ZNF700: variants seen among roughly 807,000 people sequenced by gnomAD.
ZNF700 encodes zinc finger protein 700.
In ZNF700, 38 loss-of-function variants were observed where a neutral mutation model predicts 65.3. The observed-to-expected ratio is 0.58, with a 90% CI of 0.45 to 0.76. The LOEUF is 0.76. Among genes scored for constraint, ZNF700 ranks in the 30% least tolerant of loss-of-function variants. ZNF700 has a pLI of 0.00. For missense variants in ZNF700, 857 were observed against 888.4 expected (o/e 0.96, Z 0.45); for synonymous variants, 285 against 290.4 (o/e 0.98, Z 0.19).
chr19:11,932,318 T>C (rs567496113), intron 1 of ZNF700, among the ~76,000 whole-genome samples: 1 of 147,754 alleles, frequency 6.8e-6, no homozygotes, highest in Admixed American at 6.6e-5. Context: ...CACTCCAGCC[T>C]GGGTAACAGA....
intron 1 of ZNF700, among the ~76,000 whole-genome samples, chr19:11,939,044 A>G (rs557705736): frequency 1.3e-5 from 2 of 152,276 alleles, no homozygotes; most frequent in East Asian, 1.9e-4. Context: ...GTGTCTGTTC[A>G]TGTCCTTTGC....
chr19:11,928,172 G>A (rs950975829), intron 1 of ZNF700, among the ~76,000 whole-genome samples: 1 of 152,040 alleles, frequency 6.6e-6, no homozygotes. Flanking sequence ...TTTTTACAGA[G>A]GTTAGGTCTC....
chr19:11,948,915 A>G lies in ZNF700; in HGVS notation c.891A>G (p.Glu297=). 6.2e-7 allele frequency: 1 copy of G among 1,606,756 alleles called. No individual in the cohort carries two copies. Among genetic ancestry groups the G allele is most frequent in the Non-Finnish European group, 8.5e-7 (1 of 1,178,420 alleles). Residue 297 remains glutamate, a synonymous_variant, in exon 4 of 4, where the codon GAA becomes GAG. Transcript: ENST00000254321. The part of the protein sequence containing the change: ...FHSSSSYHRH[E]RSHMGEKPYQ... ...GTTCTAGTTCCTATCATAGACATGA[A>G]AGAAGTCACATGGGAGAGAAGCCTT...
In ZNF700 at chr19:11,950,322, C is replaced by G. The variant is rs191447674; in HGVS notation, c.*69C>G. On this transcript the variant is annotated 3_prime_UTR_variant, in exon 4 of 4. Coordinates refer to ENST00000254321, the MANE Select transcript of ZNF700 (RefSeq NM_144566.3). ...AGCACTATGAATGCAAGCAATGTGG[C>G]AAAACTTTCACATTTTCCAGTTCTT... 4.1e-6 allele frequency: 6 copies of G among 1,468,786 alleles called. No homozygotes were observed. The African/African-American group carries it at 8.5e-5, about 21-fold the overall frequency. 91.0% of individuals were successfully genotyped at this position (1,468,786 alleles called of 1,614,324 possible).
Position 11,925,281 on chromosome 19 carries a change from T to G in ZNF700, c.63+8T>G. 6.2e-7 allele frequency: 1 copy of G among 1,611,500 alleles called. No individual in the cohort carries two copies. The highest frequency in any genetic ancestry group is 2.2e-5 in the East Asian group (1 of 44,742). On this transcript the variant is annotated splice_region_variant and intron_variant, in intron 1 of 3. Coordinates refer to ENST00000254321, the MANE Select transcript of ZNF700 (RefSeq NM_144566.3). The stretch of plus-strand genomic sequence containing the variant: ...TCTGAAAGCCGGGAAATGGTGCGTG[T>G]GCGGGACCAGATGTCGTGAGACGGG...
chr19:11,938,481 G>A (rs937594366), intron 1 of ZNF700, among the ~76,000 whole-genome samples: 7 of 152,092 alleles, frequency 4.6e-5, no homozygotes, highest in Admixed American at 1.3e-4. Context: ...GAGAATATGC[G>A]GTGTTTGGTT....
chr19:11,941,101 C>T (rs1183874794), intron 1 of ZNF700, among the ~76,000 whole-genome samples: 3 of 152,186 alleles, frequency 2.0e-5, no homozygotes, highest in East Asian at 3.9e-4. Context: ...CTGAGCTAGA[C>T]ACAGGGTGCT....
intron 1 of ZNF700, among the ~76,000 whole-genome samples, chr19:11,934,651 A>G (rs73506901): frequency 0.11 from 16,825 of 146,740 alleles, 3,436 homozygotes; most frequent in African/African-American, 0.33. Context: ...CTCAGCCTCC[A>G]GAGTGTCTGG....
At chr19:11,940,830 TC>T (rs925789900) in intron 1 of ZNF700, among the ~76,000 whole-genome samples, 4 of 151,754 alleles carry the variant, frequency 2.6e-5, no homozygotes, top group Admixed American at 6.6e-5. Flanking sequence ...GTTCTCCACG[TC>T]CCCCCCAGAT....
rs1266152214 is a variant in ZNF700 at position 11,947,548 on chromosome 19, G to A, written c.225G>A (p.Glu75=). 1 of 1,613,496 alleles carries A rather than the reference G, an allele frequency of 6.2e-7. No individual in the cohort carries two copies. The highest frequency in any genetic ancestry group is 1.3e-5 in the African/African-American group (1 of 74,982). Residue 75 remains glutamate (E), a synonymous_variant, in exon 3 of 4, where the codon GAG becomes GAA. Transcript: ENST00000254321. ...GGAGTGACCAGAACATTGAATATGA[G>A]TACCAAAACCCCAGAAGAAGCTTCA... ...KKWSDQNIEY[E]YQNPRRSFRS...
Position 11,948,382 on chromosome 19 carries a change from T to G in ZNF700, c.358T>G (p.Ser120Ala), listed in dbSNP as rs757658997. ...DRLNFQEKKA[S>A]PEVKSCDSFV... ...ACTGAACTTCCAGGAGAAGAAAGCT[T>G]CTCCTGAAGTAAAATCATGTGACAG... The change falls in exon 4 of 4, where the codon TCT becomes GCT. Residue 120 changes from serine to alanine, a missense_variant. Ser to Ala is a moderately conservative substitution (Grantham distance 99). Coordinates refer to ENST00000254321, the MANE Select transcript of ZNF700 (RefSeq NM_144566.3). The G allele has an allele frequency of 2.1e-5, 34 of 1,613,826 alleles. No individual in the cohort carries two copies. The highest frequency in any genetic ancestry group is 2.9e-5 in the Non-Finnish European group (34 of 1,179,904).
chr19:11,937,030 A>C (rs542385737), intron 1 of ZNF700, among the ~76,000 whole-genome samples: 69 of 152,152 alleles, frequency 4.5e-4, no homozygotes, highest in African/African-American at 7.7e-4. Flanking sequence ...GGCCTCTGTT[A>C]TGTTCCATTG....
At chr19:11,944,918 A>G (rs1599291721) in intron 1 of ZNF700, among the ~76,000 whole-genome samples, 1 of 152,206 alleles carries the variant, frequency 6.6e-6, no homozygotes, top group Non-Finnish European at 1.5e-5. Flanking sequence ...TGTGGCTCCC[A>G]GCAGCTGTGG....
At position 11,937,490 on chromosome 19, in the gene ZNF700, C is replaced by CTTTT. The variant is rs1053539594; in HGVS notation, c.64-9678_64-9675dup. Reference sequence around the variant, plus strand: ...TAGTAGATTTTTCTTTTTTTCTTTCCTTTTTTTTTTTTTTTTGAGACAGAG... The same window carrying CTTTT: ...TAGTAGATTTTTCTTTTTTTCTTTCCTTTTTTTTTTTTTTTTTTTTGAGACAGAG... On this transcript the variant is annotated intron_variant, in intron 1 of 3. Transcript: ENST00000254321. Among the ~76,000 whole-genome samples, 10 of 128,996 alleles carry CTTTT rather than the reference C, an allele frequency of 7.8e-5. 2 individuals carry two copies. The highest frequency in any genetic ancestry group is 1.8e-4 in the African/African-American group (6 of 32,594). 84.6% of individuals were successfully genotyped at this position (128,996 alleles called of 152,430 possible).
Position 11,949,799 on chromosome 19 carries a change from A to G in ZNF700, c.1775A>G (p.Tyr592Cys). The G allele has an allele frequency of 1.2e-6, 2 of 1,613,326 alleles. No individual in the cohort carries two copies. The highest frequency in any genetic ancestry group is 1.7e-6 in the Non-Finnish European group (2 of 1,179,790). The change falls in exon 4 of 4, where the codon TAT becomes TGT. Residue 592 changes from tyrosine to cysteine, a missense_variant. Physicochemically the swap from Tyr to Cys is radical, Grantham distance 194. This residue lies in a region of ZNF700 where 251 missense variants were observed against 250.3 expected (regional missense o/e 1.00). Coordinates refer to ENST00000254321, the MANE Select transcript of ZNF700 (RefSeq NM_144566.3). ...HERTHTGEKP[Y>C]ECKQCGKAFS... ...AGGACTCACACTGGAGAGAAACCCT[A>G]TGAGTGTAAGCAATGTGGGAAAGCC...
intron 1 of ZNF700, among the ~76,000 whole-genome samples, chr19:11,946,033 A>G (rs1390252673): frequency 6.6e-6 from 1 of 152,116 alleles, no homozygotes; most frequent in Non-Finnish European, 1.5e-5. Flanking sequence ...AAGAAACTCT[A>G]TGTCCTTGTC....
intron 1 of ZNF700, among the ~76,000 whole-genome samples, chr19:11,936,424 T>C (rs936832192): frequency 6.6e-6 from 1 of 152,266 alleles, no homozygotes; most frequent in African/African-American, 2.4e-5. Context: ...TGATTTGCAT[T>C]TCTCTGATGA....
chr19:11,935,896 C>G (rs1164712271), intron 1 of ZNF700, among the ~76,000 whole-genome samples: 1 of 152,134 alleles, frequency 6.6e-6, no homozygotes, highest in East Asian at 1.9e-4. Context: ...TGTGATGTTC[C>G]CTGCCCTGTG....
intron 1 of ZNF700, 107 bp from the exon 2 acceptor site, chr19:11,947,074 T>C: frequency 6.7e-7 from 1 of 1,493,380 alleles, no homozygotes; most frequent in Admixed American, 2.4e-5. Flanking sequence ...AAGCAGGGAA[T>C]AAATGTTTGG....
Sources: gnomAD v4.1 joint callset for allele counts (sites outside exome capture counted in the v4.1 genomes callset) on GRCh38, gnomAD v4.1.1 for gene constraint, gnomAD v4.1.1 regional missense constraint, MANE v1.5 for transcripts, NCBI Gene and HGNC (gene_info 2026-07-23, HGNC 2026-07-21) for gene names.